The following GNA14 variants were observed in gnomAD, a reference collection of about 807,000 sequenced individuals.
The protein encoded by GNA14 is G protein subunit alpha 14.
GNA14 carries 50 observed loss-of-function variants against 42.0 expected under a neutral mutation model. The observed-to-expected ratio is 1.19, with a 90% CI of 0.95 to 1.51. GNA14 has a LOEUF of 1.51. Ranked by LOEUF, GNA14 falls within the 40% of genes most tolerant of loss-of-function variation. The probability of loss-of-function intolerance (pLI) is 0.00; values close to 1 mark genes in which losing one functional copy is unlikely to be tolerated. For synonymous variants in GNA14, 173 were observed against 163.1 expected, an observed-to-expected ratio of 1.06 and a Z score of -0.46; for missense variants, 473 against 446.2, an observed-to-expected ratio of 1.06 and a Z score of -0.54.
intron 2 of GNA14, among the ~76,000 whole-genome samples, chr9:77,483,372 G>T (rs1029049735): frequency 6.6e-6 from 1 of 152,164 alleles, no homozygotes; most frequent in Non-Finnish European, 1.5e-5. Flanking sequence ...AACAGCGGTG[G>T]CTGTAGAACA....
intron 1 of GNA14, among the ~76,000 whole-genome samples, chr9:77,556,167 T>G (rs1176576487): frequency 6.6e-6 from 1 of 152,098 alleles, no homozygotes; most frequent in Non-Finnish European, 1.5e-5. Flanking sequence ...TCGCTTGAAC[T>G]CAGGAGGCGG....
intron 1 of GNA14, among the ~76,000 whole-genome samples, chr9:77,593,283 G>A (rs111320966): frequency 3.3e-5 from 5 of 151,878 alleles, no homozygotes; most frequent in African/African-American, 1.2e-4. Flanking sequence ...AATTACAGAG[G>A]TAAAAGCTGA....
chr9:77,492,930 G>A (rs1836802289), intron 2 of GNA14, among the ~76,000 whole-genome samples: 1 of 149,116 alleles, frequency 6.7e-6, no homozygotes, highest in Admixed American at 6.7e-5. Context: ...GAACCTGGGA[G>A]GCGGAGGTTG....
At chr9:77,536,685 T>C (rs149633842) in intron 1 of GNA14, among the ~76,000 whole-genome samples, 68 of 152,270 alleles carry the variant, frequency 4.5e-4, no homozygotes, top group African/African-American at 1.6e-3. Context: ...TGCAAAACCA[T>C]CTTTATTGCC....
intron 1 of GNA14, among the ~76,000 whole-genome samples, chr9:77,601,899 T>G (rs1205684232): frequency 6.6e-6 from 1 of 152,258 alleles, no homozygotes; most frequent in African/African-American, 2.4e-5. Flanking sequence ...CCAATGGGTC[T>G]GCTTTTTCCC....
intron 1 of GNA14, among the ~76,000 whole-genome samples, chr9:77,575,573 G>T (rs1435321033): frequency 6.6e-6 from 1 of 151,862 alleles, no homozygotes; most frequent in Admixed American, 6.6e-5. Flanking sequence ...TACTGATATC[G>T]GTCTCCTATT....
chr9:77,536,284 T>C (rs765198359), intron 1 of GNA14, among the ~76,000 whole-genome samples: 1 of 152,186 alleles, frequency 6.6e-6, no homozygotes, highest in Non-Finnish European at 1.5e-5. Flanking sequence ...CAGTTTAAGA[T>C]TAAAAAACAA....
intron 2 of GNA14, among the ~76,000 whole-genome samples, chr9:77,467,596 G>A (rs1836258996): frequency 6.7e-6 from 1 of 149,700 alleles, no homozygotes; most frequent in Non-Finnish European, 1.5e-5. Context: ...GGCAAGAAAT[G>A]CTTCATGCTG....
chr9:77,516,873 T>C (rs1255354943), intron 2 of GNA14, among the ~76,000 whole-genome samples: 1 of 152,122 alleles, frequency 6.6e-6, no homozygotes, highest in Non-Finnish European at 1.5e-5. Flanking sequence ...CTTACAACAA[T>C]AATGACAACC....
intron 2 of GNA14, among the ~76,000 whole-genome samples, chr9:77,524,048 C>G (rs1837399002): frequency 6.6e-6 from 1 of 152,172 alleles, no homozygotes; most frequent in Non-Finnish European, 1.5e-5. Flanking sequence ...AACCCTGCCA[C>G]TGAGCAAATG....
intron 2 of GNA14, among the ~76,000 whole-genome samples, chr9:77,516,665 G>C (rs1351753592): frequency 6.6e-6 from 1 of 151,486 alleles, no homozygotes; most frequent in East Asian, 2.0e-4. Context: ...GGCGGAGGTT[G>C]CAGTAAGCTG....
intron 2 of GNA14, among the ~76,000 whole-genome samples, chr9:77,439,414 G>A (rs1587761536): frequency 2.0e-5 from 3 of 152,224 alleles, no homozygotes; most frequent in Non-Finnish European, 1.5e-5. Context: ...CAAGGTGGGA[G>A]GATCGCTTGA....
intron 2 of GNA14, among the ~76,000 whole-genome samples, chr9:77,447,282 A>G (rs10125495): frequency 6.6e-6 from 1 of 151,944 alleles, no homozygotes; most frequent in East Asian, 1.9e-4. Context: ...TATCTGTTAT[A>G]TATCCCTTTC....
chr9:77,617,347 C>A (rs1245810894), intron 1 of GNA14, among the ~76,000 whole-genome samples: 2 of 152,128 alleles, frequency 1.3e-5, no homozygotes, highest in Non-Finnish European at 2.9e-5. Context: ...ACCAAGGACC[C>A]AGTTGCCTGA....
chr9:77,454,960 A>T (rs372026254), intron 2 of GNA14, among the ~76,000 whole-genome samples: 1 of 152,218 alleles, frequency 6.6e-6, no homozygotes, highest in Non-Finnish European at 1.5e-5. Context: ...TTAGTTTTCT[A>T]TTGCTGTGTA....
intron 1 of GNA14, among the ~76,000 whole-genome samples, chr9:77,641,687 A>C (rs952347374): frequency 6.6e-6 from 1 of 152,196 alleles, no homozygotes; most frequent in Non-Finnish European, 1.5e-5. Context: ...AACCAAATGC[A>C]ATCCCTGAGC....
At chr9:77,424,911 A>G (rs548149354) in intron 6 of GNA14, among the ~76,000 whole-genome samples, 3 of 152,278 alleles carry the variant, frequency 2.0e-5, no homozygotes, top group South Asian at 4.1e-4. Flanking sequence ...TAAAACATGA[A>G]TCCACTAAAT....
chr9:77,637,395 G>C (rs1428178553), intron 1 of GNA14, among the ~76,000 whole-genome samples: 1 of 152,176 alleles, frequency 6.6e-6, no homozygotes, highest in Non-Finnish European at 1.5e-5. Flanking sequence ...CCTAAAACCT[G>C]CAGTGGCCAT....
Position 77,473,393 on chromosome 9 carries a change from T to C in GNA14, c.310-38871A>G, listed in dbSNP as rs113573304. Among the ~76,000 whole-genome samples, 8 of 152,084 alleles carry C rather than the reference T, an allele frequency of 5.3e-5. No individual in the cohort carries two copies. The South Asian group carries it at 1.2e-3, about 24-fold the overall frequency. On this transcript the variant is annotated intron_variant, in intron 2 of 6. Transcript: ENST00000341700. ...GATGGTTTAATCCAGGAGGTGAAGG[T>C]TGCAGTGAATCAAGATCATGCCACT...
Sources: allele counts gnomAD v4.1 joint callset (sites outside exome capture counted in the v4.1 genomes callset), GRCh38; gene constraint gnomAD v4.1.1; transcripts MANE v1.5; gene names NCBI Gene and HGNC (gene_info 2026-07-23, HGNC 2026-07-21).